Variants in STX3 observed in about 807,000 individuals in gnomAD.
The protein encoded by STX3 is syntaxin 3.
In STX3, 19 loss-of-function variants were observed where a neutral mutation model predicts 40.2. The observed-to-expected ratio is 0.47, with a 90% CI of 0.33 to 0.69. The LOEUF (loss-of-function observed/expected upper bound fraction) is 0.69. STX3 is among the 30% of genes least tolerant of loss of function. The pLI is 0.02. For missense variants in STX3, 364 were observed against 366.7 expected (o/e 0.99, Z 0.06); for synonymous variants, 122 against 132.2 (o/e 0.92, Z 0.53).
At position 59,761,474 on chromosome 11, in the gene STX3, C is replaced by G. The variant is rs181561593; in HGVS notation, c.30+5839C>G. Among the ~76,000 whole-genome samples, 147 of 152,330 alleles carry G rather than the reference C, an allele frequency of 9.7e-4. 1 individual carries two copies. The highest frequency in any genetic ancestry group is 5.7e-3 in the Admixed American group (87 of 15,304). ...GAGCACAGACCACATATGTCTCATT[C>G]TCTCTTATACCTTCCCAGCCCAAAG... On this transcript the variant is annotated intron_variant, in intron 1 of 10. Coordinates refer to ENST00000337979, the MANE Select transcript of STX3 (RefSeq NM_004177.5).
intron 1 of STX3, among the ~76,000 whole-genome samples, chr11:59,763,207 C>T (rs539442327): frequency 1.3e-5 from 2 of 152,276 alleles, no homozygotes; most frequent in African/African-American, 4.8e-5. Flanking sequence ...TGAGATGCCT[C>T]TCTGAGTTAA....
At position 59,802,557 on chromosome 11, in the gene STX3, C is replaced by T. The variant is rs1306454121; in HGVS notation, c.*1733C>T. The stretch of plus-strand genomic sequence containing the variant: ...CAACAAGAGACAAAATAACTAAAGG[C>T]CTTTGCTCTCCTCTGACATTGAGGC... On this transcript the variant is annotated 3_prime_UTR_variant, in exon 11 of 11. Coordinates refer to ENST00000337979, the MANE Select transcript of STX3 (RefSeq NM_004177.5). 3 of 985,702 alleles carry T rather than the reference C, an allele frequency of 3.0e-6. No homozygotes were observed. In the African/African-American group the frequency reaches 5.2e-5, roughly 17 times the overall value. The allele number at this position is 985,702 out of a possible 1,614,324, so 61.1% of individuals were successfully genotyped here.
chr11:59,757,871 A>C (rs970815252), intron 1 of STX3, among the ~76,000 whole-genome samples: 1 of 152,192 alleles, frequency 6.6e-6, no homozygotes, highest in Non-Finnish European at 1.5e-5. Context: ...TTTTGGTGTC[A>C]GTTCACCTCC....
Position 59,795,423 on chromosome 11 carries a change from G to T in STX3, c.727G>T (p.Val243Leu). Residue 243 changes from valine to leucine, a missense_variant, in exon 9 of 11, where the codon GTG (valine) becomes TTG (leucine). Physicochemically the swap from Val to Leu is conservative, Grantham distance 32 (BLOSUM62 1). Coordinates refer to ENST00000337979, the MANE Select transcript of STX3 (RefSeq NM_004177.5). Reference protein sequence around the residue: ...ELNVMHTVDHVEKARDETKKA... With the variant: ...ELNVMHTVDHLEKARDETKKA... ...GAATGTCATGCACACAGTGGACCAC[G>T]TGGAGAAGGCACGAGATGAAACGAA... The T allele has an allele frequency of 1.9e-6, 3 of 1,613,718 alleles. No homozygotes were observed. The highest frequency in any genetic ancestry group is 2.5e-6 in the Non-Finnish European group (3 of 1,179,910).
chr11:59,773,707 TG>T (rs1162711093), intron 2 of STX3, among the ~76,000 whole-genome samples: 1 of 152,112 alleles, frequency 6.6e-6, no homozygotes, highest in Non-Finnish European at 1.5e-5. Context: ...GGGCCAGACA[TG>T]GTGGCTCACA....
intron 5 of STX3, among the ~76,000 whole-genome samples, chr11:59,791,682 C>A (rs1865172064): frequency 6.6e-6 from 1 of 152,122 alleles, no homozygotes; most frequent in African/African-American, 2.4e-5. Context: ...GATAATGCAT[C>A]TACTTATAAG....
Position 59,802,105 on chromosome 11 carries a change from C to T in STX3, c.*1281C>T, listed in dbSNP as rs1024541978. 5.6e-5 allele frequency: 55 copies of T among 985,334 alleles called. No homozygotes were observed. The highest frequency in any genetic ancestry group is 6.3e-5 in the Non-Finnish European group (52 of 829,942). The allele number at this position is 985,334 out of a possible 1,614,324, so 61.0% of individuals were successfully genotyped here. Reference sequence around the variant, plus strand: ...ACATCCCTCAGTAACTTGATATTCACATGACCTACAGGATGTCCCATCTGC... The same window carrying T: ...ACATCCCTCAGTAACTTGATATTCATATGACCTACAGGATGTCCCATCTGC... On this transcript the variant is annotated 3_prime_UTR_variant, in exon 11 of 11. Transcript: ENST00000337979.
chr11:59,800,488 T>C (rs943066657), intron 10 of STX3: 16 of 985,262 alleles, frequency 1.6e-5, no homozygotes, highest in Non-Finnish European at 1.9e-5. Context: ...AGGGAGTTCA[T>C]GAAGATCGAG....
intron 2 of STX3, among the ~76,000 whole-genome samples, chr11:59,784,432 G>C (rs1590801272): frequency 6.6e-6 from 1 of 152,212 alleles, no homozygotes; most frequent in African/African-American, 2.4e-5. Flanking sequence ...AATGACATGA[G>C]TTCTAAGAGG....
intron 1 of STX3, among the ~76,000 whole-genome samples, chr11:59,760,420 T>G (rs480944): frequency 0.14 from 20,774 of 151,904 alleles, 1,979 homozygotes; most frequent in African/African-American, 0.25. Context: ...GGTTTTTTTT[T>G]TTTGTTTGTT....
intron 6 of STX3, 99 bp from the exon 7 acceptor site, chr11:59,793,000 G>T: frequency 8.3e-6 from 10 of 1,209,656 alleles, no homozygotes; most frequent in Non-Finnish European, 1.2e-5. Flanking sequence ...AAAGGCCACG[G>T]TCTTTATAGG....
intron 1 of STX3, among the ~76,000 whole-genome samples, chr11:59,757,473 A>G (rs1388156197): frequency 6.6e-6 from 1 of 152,184 alleles, no homozygotes; most frequent in Admixed American, 6.5e-5. Flanking sequence ...TTCCAAGAAT[A>G]AATTTAATTT....
intron 2 of STX3, among the ~76,000 whole-genome samples, chr11:59,779,577 G>A (rs1250333238): frequency 6.6e-6 from 1 of 152,232 alleles, no homozygotes; most frequent in African/African-American, 2.4e-5. Context: ...AAGCATACTT[G>A]TCTCCTGCAG....
At chr11:59,769,993 TGAGTGTGTGTGGGTGTATGTGTG>T (rs1863502062) in intron 1 of STX3, among the ~76,000 whole-genome samples, 1 of 150,224 alleles carries the variant, frequency 6.7e-6, no homozygotes, top group Admixed American at 6.6e-5. Context: ...GGGAGGGTTA[TGAGTGTGTGTGGGTGTATGTGTG>T]GAGTGTGTGT....
Position 59,788,941 on chromosome 11 carries a change from C to T in STX3, c.283C>T (p.Leu95=). The part of the protein sequence containing the change: ...KKRANNVRNK[L]KSMEKHIEED... ...AAGGGCCAACAACGTCCGGAACAAACTGAAGAGTAAGAAGGGAACAAAGAA... is the reference window on the plus strand; with the variant it reads ...AAGGGCCAACAACGTCCGGAACAAATTGAAGAGTAAGAAGGGAACAAAGAA... Residue 95 remains leucine (L), a synonymous_variant, in exon 4 of 11, where the codon CTG becomes TTG. Transcript: ENST00000337979. The T allele has an allele frequency of 1.2e-6, 2 of 1,608,846 alleles. No individual in the cohort carries two copies. Among genetic ancestry groups the T allele is most frequent in the Non-Finnish European group, 1.7e-6 (2 of 1,177,344 alleles).
Position 59,801,768 on chromosome 11 carries a change from A to G in STX3, c.*944A>G, listed in dbSNP as rs554351836. 7.1e-6 allele frequency: 7 copies of G among 985,820 alleles called. No individual in the cohort carries two copies. The highest frequency in any genetic ancestry group is 1.1e-4 in the East Asian group (1 of 8,808). 61.1% of individuals were successfully genotyped at this position (985,820 alleles called of 1,614,324 possible). A position where few individuals can be genotyped will look rare whatever the true frequency, so the allele number is the denominator to read the frequency against. On this transcript the variant is annotated 3_prime_UTR_variant, in exon 11 of 11. Transcript: ENST00000337979. ...AATTGTGTATGAAATGTATGTACAC[A>G]TAAGTGTGTGTGTCTCAGGAAGTAG... is the stretch of plus-strand genomic sequence containing the variant.
chr11:59,763,228 A>T (rs774013758), intron 1 of STX3, among the ~76,000 whole-genome samples: 1 of 152,162 alleles, frequency 6.6e-6, no homozygotes, highest in Non-Finnish European at 1.5e-5. Context: ...TGAAGGAGTG[A>T]ACATTGGATT....
chr11:59,763,200 G>A (rs569035463), intron 1 of STX3, among the ~76,000 whole-genome samples: 1 of 152,320 alleles, frequency 6.6e-6, no homozygotes, highest in African/African-American at 2.4e-5. Context: ...GAGACCTTGA[G>A]ATGCCTCTCT....
At chr11:59,770,423 G>A (rs1863544100) in intron 1 of STX3, among the ~76,000 whole-genome samples, 1 of 151,820 alleles carries the variant, frequency 6.6e-6, no homozygotes, top group Non-Finnish European at 1.5e-5. Flanking sequence ...GTATATGTAT[G>A]TATACAGATA....
Sources: gnomAD v4.1 joint callset for allele counts (sites outside exome capture counted in the v4.1 genomes callset) on GRCh38, gnomAD v4.1.1 for gene constraint, MANE v1.5 for transcripts, NCBI Gene and HGNC (gene_info 2026-07-23, HGNC 2026-07-21) for gene names.